Variants in ALG1 observed in about 807,000 individuals in gnomAD.
ALG1 encodes the protein chitobiosyldiphosphodolichol beta-mannosyltransferase.
Under a neutral mutation model 55.1 loss-of-function variants are expected in ALG1, and 58 were observed. The ratio of observed to expected loss-of-function variants is 1.05; its 90% confidence interval spans 0.85 to 1.31. The LOEUF (loss-of-function observed/expected upper bound fraction) is 1.31, where lower values mean the gene tolerates loss of function less well. Among genes scored for constraint, ALG1 ranks in the 50% most tolerant of loss-of-function variants. The pLI, the probability that ALG1 is intolerant of heterozygous loss-of-function variation, is 0.00. For missense variants in ALG1, 761 were observed against 598.6 expected, an observed-to-expected ratio of 1.27 and a Z score of -2.83; for synonymous variants, 309 against 247.0, an observed-to-expected ratio of 1.25 and a Z score of -2.35.
rs2142712260 is a variant in ALG1 at position 5,077,499 on chromosome 16, T to C, written c.594T>C (p.Ala198=). The C allele has an allele frequency of 6.2e-7, 1 of 1,614,202 alleles. No individual in the cohort carries two copies. The highest frequency in any genetic ancestry group is 8.5e-7 in the Non-Finnish European group (1 of 1,180,040). The part of the protein sequence containing the change: ...LSHLNLCVTN[A]MREDLADNWH... ...ACCTGAACCTGTGTGTTACCAATGC[T>C]ATGCGAGAAGACCTGGCGGATAACT... The change falls in exon 5 of 13, where the codon GCT becomes GCC. Residue 198 remains alanine (A), a synonymous_variant. Coordinates refer to ENST00000262374, the MANE Select transcript of ALG1 (RefSeq NM_019109.5).
intron 11 of ALG1, among the ~76,000 whole-genome samples, chr16:5,083,258 G>T (rs1028417174): frequency 1.3e-5 from 2 of 152,158 alleles, no homozygotes; most frequent in African/African-American, 4.8e-5. Flanking sequence ...GGGATTTAGG[G>T]ATGTGAGCCC....
In ALG1 at chr16:5,075,675, G is replaced by T. The variant is rs150202932; in HGVS notation, c.539+139G>T. 2.2e-4 allele frequency: 229 copies of T among 1,064,608 alleles called. No homozygotes were observed. In the African/African-American group the frequency reaches 3.1e-3, roughly 15 times the overall value. The allele number at this position is 1,064,608 out of a possible 1,614,324, so 65.9% of individuals were successfully genotyped here. A position where few individuals can be genotyped will look rare whatever the true frequency, so the allele number is the denominator to read the frequency against. On this transcript the variant is annotated intron_variant, in intron 4 of 12. Transcript: ENST00000262374. ...TGGGGTGAGGCTGGTGAATCAGGCC[G>T]AATGCTGGTTCCAAATGATAGAAAC...
At position 5,072,069 on chromosome 16, in the gene ALG1, A is replaced by G. The variant is rs777062447; in HGVS notation, c.208+12A>G. ...CCTGGGGTTCTGCAGTGAGTGGCCAAGGGTCTGGGAGGGACGATGCTCTCT... is the reference window on the plus strand; with the variant it reads ...CCTGGGGTTCTGCAGTGAGTGGCCAGGGGTCTGGGAGGGACGATGCTCTCT... On this transcript the variant is annotated intron_variant, in intron 1 of 12. Coordinates refer to ENST00000262374, the MANE Select transcript of ALG1 (RefSeq NM_019109.5). 8 of 1,421,406 alleles carry G rather than the reference A, an allele frequency of 5.6e-6. No individual in the cohort carries two copies. The East Asian group carries it at 2.1e-4, about 37-fold the overall frequency. The allele number at this position is 1,421,406 out of a possible 1,614,324, so 88.0% of individuals were successfully genotyped here.
At chr16:5,073,530 T>C in intron 3 of ALG1, 1 of 501,432 alleles carries the variant, frequency 2.0e-6, no homozygotes, top group African/African-American at 1.9e-5. Flanking sequence ...AAATATTGCA[T>C]GTAGGTAATA....
At chr16:5,078,903 G>C (rs1234966441) in intron 7 of ALG1, 25 bp downstream of exon 7, 3 of 1,610,124 alleles carry the variant, frequency 1.9e-6, no homozygotes, top group African/African-American at 2.7e-5. Flanking sequence ...TGGGGCACTT[G>C]GGGTTGGTGT....
rs1957193224 is a variant in ALG1, at chr16:5,086,842, T to C, written c.*1961T>C. The C allele has an allele frequency of 6.6e-6, 1 of 152,126 alleles. No homozygotes were observed. Among genetic ancestry groups the C allele is most frequent in the African/African-American group, 2.4e-5 (1 of 41,404 alleles). 9.4% of individuals were successfully genotyped at this position (152,126 alleles called of 1,614,324 possible). A position where few individuals can be genotyped will look rare whatever the true frequency, so the allele number is the denominator to read the frequency against. ...CCACCACGCCTGGCTAATTTTTGTG[T>C]TTTTAGTAGAGATGGGGTTTCACCA... is the stretch of plus-strand genomic sequence containing the variant. On this transcript the variant is annotated 3_prime_UTR_variant, in exon 13 of 13. Transcript: ENST00000262374.
In ALG1 at chr16:5,084,774, C is replaced by G. The variant is rs376032057; in HGVS notation, c.1288C>G (p.Pro430Ala). The G allele has an allele frequency of 1.3e-5, 20 of 1,596,448 alleles. No homozygotes were observed. The South Asian group carries it at 2.1e-4, about 17-fold the overall frequency. Residue 430 changes from proline to alanine, a missense_variant, in exon 13 of 13, where the codon CCT (proline) becomes GCT (alanine). Physicochemically the swap from Pro to Ala is conservative, Grantham distance 27. Coordinates refer to ENST00000262374, the MANE Select transcript of ALG1 (RefSeq NM_019109.5). ...LQMLFSNFPD[P>A]AGKLNQFRKN... ...GATGCTTTTCTCAAACTTTCCTGAT[C>G]CTGCGGGCAAGCTAAACCAGTTCCG...
rs753164786 is a variant in ALG1, at chr16:5,077,916, C to A, written c.639C>A (p.Thr213=). Residue 213 remains threonine, a synonymous_variant, in exon 6 of 13, where the codon ACC becomes ACA. Transcript: ENST00000262374. Reference sequence around the variant, plus strand: ...CATGATTTCATTGCAGGGCTGTGACCGTCTACGACAAGCCCGCATCTTTCT... The same window carrying A: ...CATGATTTCATTGCAGGGCTGTGACAGTCTACGACAAGCCCGCATCTTTCT... ...LADNWHIRAV[T]VYDKPASFFK... The A allele has an allele frequency of 1.9e-6, 3 of 1,608,204 alleles. No individual in the cohort carries two copies. The East Asian group carries it at 6.7e-5, about 36-fold the overall frequency.
intron 7 of ALG1, 75 bp from the exon 8 acceptor site, chr16:5,078,989 G>C: frequency 5.0e-6 from 8 of 1,596,800 alleles, no homozygotes; most frequent in Non-Finnish European, 6.8e-6. Context: ...CGGTCTCAAT[G>C]AGAACGGGAG....
Position 5,079,119 on chromosome 16 carries a change from G to A in ALG1, c.901+17G>A, listed in dbSNP as rs1028236216. The stretch of plus-strand genomic sequence containing the variant: ...CTTTAGAAAGTAGGTGTGTGGCTGC[G>A]GTGAGGAGCTCTGGGCTTGTCGGGG... On this transcript the variant is annotated intron_variant, in intron 8 of 12. Coordinates refer to ENST00000262374, the MANE Select transcript of ALG1 (RefSeq NM_019109.5). 3.8e-6 allele frequency: 6 copies of A among 1,595,304 alleles called. No individual in the cohort carries two copies. The highest frequency in any genetic ancestry group is 1.3e-5 in the African/African-American group (1 of 74,818).
intron 4 of ALG1, among the ~76,000 whole-genome samples, chr16:5,075,958 G>T (rs1445315621): frequency 2.6e-5 from 4 of 152,216 alleles, no homozygotes; most frequent in African/African-American, 9.6e-5. Flanking sequence ...AAGTGCTCCA[G>T]CAGAAGAGCT....
At position 5,079,179 on chromosome 16, in the gene ALG1, G is replaced by C. The variant is rs1956971937; in HGVS notation, c.901+77G>C. On this transcript the variant is annotated intron_variant, in intron 8 of 12. Coordinates refer to ENST00000262374, the MANE Select transcript of ALG1 (RefSeq NM_019109.5). ...CTGTAAGCTGCTTGCCTGGCCTGCA[G>C]CATGTTCCTGTCCCAGGCCACTGGG... is the stretch of plus-strand genomic sequence containing the variant. 1.9e-6 allele frequency: 3 copies of C among 1,552,100 alleles called. No individual in the cohort carries two copies. The East Asian group carries it at 6.9e-5, about 36-fold the overall frequency.
intron 1 of ALG1, chr16:5,072,410 C>T: frequency 3.7e-6 from 2 of 534,520 alleles, no homozygotes; most frequent in Non-Finnish European, 3.1e-6. Flanking sequence ...TATTTCATTC[C>T]TCATCCCTCA....
At chr16:5,074,176 G>A (rs997353419) in intron 3 of ALG1, among the ~76,000 whole-genome samples, 1 of 151,076 alleles carries the variant, frequency 6.6e-6, no homozygotes, top group Non-Finnish European at 1.5e-5. Flanking sequence ...CTGAGATGGA[G>A]TCTCTGTTGC....
In ALG1 at chr16:5,080,985, A is replaced by G. The variant is rs756058300; in HGVS notation, c.1001A>G (p.His334Arg). 18 of 1,596,010 alleles carry G rather than the reference A, an allele frequency of 1.1e-5. No homozygotes were observed. In the Admixed American group the frequency reaches 3.0e-4, roughly 27 times the overall value. Reference protein sequence around the residue: ...PLREYYSRLIHQKHFQHIQVC... With the variant: ...PLREYYSRLIRQKHFQHIQVC... ...AGGGAGTATTATAGCCGCCTCATCC[A>G]CCAGAAGCACTTCCAGCACATCCAG... The change falls in exon 10 of 13, where the codon CAC (histidine) becomes CGC (arginine). Residue 334 changes from histidine (H) to arginine (R), a missense_variant. Physicochemically the swap from His to Arg is conservative, Grantham distance 29 (BLOSUM62 0). Coordinates refer to ENST00000262374, the MANE Select transcript of ALG1 (RefSeq NM_019109.5).
intron 3 of ALG1, 59 bp downstream of exon 3, chr16:5,073,315 A>G: frequency 6.9e-7 from 1 of 1,455,298 alleles, no homozygotes; most frequent in East Asian, 2.3e-5. Context: ...ACTTTCCAGC[A>G]CAAATTGGTA....
intron 1 of ALG1, 179 bp downstream of exon 1, chr16:5,072,236 C>T: frequency 6.6e-7 from 1 of 1,506,684 alleles, no homozygotes; most frequent in South Asian, 1.3e-5. Flanking sequence ...GTATAGCCGG[C>T]GTTAATCTTG....
At chr16:5,072,453 G>A (rs1334303092) in intron 1 of ALG1, 1 of 414,960 alleles carries the variant, frequency 2.4e-6, no homozygotes, top group East Asian at 6.1e-5. Context: ...GTTTTCATTT[G>A]TTCTTCATGT....
chr16:5,078,235 C>T (rs987667212), intron 6 of ALG1: 5 of 708,270 alleles, frequency 7.1e-6, no homozygotes, highest in African/African-American at 5.2e-5. Flanking sequence ...AGCAGAATCG[C>T]GTTTTGCAAC....
Sources: allele counts gnomAD v4.1 joint callset (sites outside exome capture counted in the v4.1 genomes callset), GRCh38; gene constraint gnomAD v4.1.1; transcripts MANE v1.5; gene names NCBI Gene and HGNC (gene_info 2026-07-23, HGNC 2026-07-21).